Variants in CCDC175 observed in about 807,000 individuals in gnomAD.
CCDC175 encodes coiled-coil domain-containing protein 175.
A neutral mutation model predicts 114.6 loss-of-function variants in CCDC175; 100 were observed. That is an observed-to-expected ratio of 0.87 (90% CI 0.74 to 1.03). The LOEUF (loss-of-function observed/expected upper bound fraction) is 1.03, where lower values mean the gene tolerates loss of function less well. Ranked by LOEUF, CCDC175 falls within the 50% of genes least tolerant of loss-of-function variation. CCDC175 has a pLI of 0.00. For synonymous variants in CCDC175, 306 were observed against 308.7 expected (o/e 0.99, Z 0.09); for missense variants, 880 against 917.8 (o/e 0.96, Z 0.53).
In CCDC175 at chr14:59,538,249, C is replaced by A. The variant is rs752811731; in HGVS notation, c.1492-95G>T. On this transcript the variant is annotated intron_variant, in intron 12 of 19. Coordinates refer to ENST00000537690, the MANE Select transcript of CCDC175 (RefSeq NM_001164399.2). ...GAAATTAATATCTCTTTGCAGGAGG[C>A]CTGCTTCTGATTTCAGTTCATATAA... The A allele has an allele frequency of 3.7e-5, 39 of 1,042,612 alleles. No individual in the cohort carries two copies. In the Middle Eastern group the frequency reaches 2.3e-3, roughly 62 times the overall value. 64.6% of individuals were successfully genotyped at this position (1,042,612 alleles called of 1,614,324 possible). A position where few individuals can be genotyped will look rare whatever the true frequency, so the allele number is the denominator to read the frequency against.
chr14:59,575,702 G>A (rs1257423234), intron 1 of CCDC175, among the ~76,000 whole-genome samples: 1 of 152,064 alleles, frequency 6.6e-6, no homozygotes, highest in Non-Finnish European at 1.5e-5. Context: ...TAGAGACGGG[G>A]TTTCACCATG....
chr14:59,555,765 A>G (rs991562736), intron 7 of CCDC175, among the ~76,000 whole-genome samples: 1 of 152,246 alleles, frequency 6.6e-6, no homozygotes, highest in Non-Finnish European at 1.5e-5. Flanking sequence ...ACTTCAGCAA[A>G]GTCTCAGGAT....
At chr14:59,531,731 T>G (rs1010645718) in intron 14 of CCDC175, 41 bp downstream of exon 14, 4 of 1,382,880 alleles carry the variant, frequency 2.9e-6, no homozygotes, top group African/African-American at 2.9e-5. Flanking sequence ...GTGAAATCCT[T>G]ACCTGGGATT....
rs1281975516 is a variant in CCDC175 at position 59,537,671 on chromosome 14, C to A, written c.1623+352G>T. Among the ~76,000 whole-genome samples the A allele has an allele frequency of 2.0e-5, 3 of 152,248 alleles. No individual in the cohort carries two copies. In the East Asian group the frequency reaches 5.8e-4, roughly 29 times the overall value. On this transcript the variant is annotated intron_variant, in intron 13 of 19. Transcript: ENST00000537690. ...TGGCAGTTCTCAAGACAGCATGATACCCTCTTTTTAAAGAGCACATCTGAG... is the reference window on the plus strand; with the variant it reads ...TGGCAGTTCTCAAGACAGCATGATAACCTCTTTTTAAAGAGCACATCTGAG...
At chr14:59,536,560 T>TC (rs1350939292) in intron 13 of CCDC175, among the ~76,000 whole-genome samples, 1 of 151,376 alleles carries the variant, frequency 6.6e-6, no homozygotes, top group Admixed American at 6.6e-5. Context: ...CCGCCTCCTC[T>TC]CCCCCCTCAC....
In CCDC175 at chr14:59,508,409, C is replaced by CACACACACACAT. The variant is rs1555340463; in HGVS notation, c.2305+2236_2305+2237insATGTGTGTGTGT. Among the ~76,000 whole-genome samples the CACACACACACAT allele has an allele frequency of 1.9e-3, 280 of 144,006 alleles. 4 individuals are homozygous for CACACACACACAT. The highest frequency in any genetic ancestry group is 6.3e-3 in the African/African-American group (247 of 39,138). The allele number at this position is 144,006 out of a possible 152,430, so 94.5% of individuals were successfully genotyped here. ...ACCTCGTCTCCAAAATACACACACA[C>CACACACACACAT]ACACACACACACACACACACACACA... On this transcript the variant is annotated intron_variant, in intron 19 of 19. Coordinates refer to ENST00000537690, the MANE Select transcript of CCDC175 (RefSeq NM_001164399.2).
chr14:59,554,734 A>G (rs996226431), intron 7 of CCDC175, among the ~76,000 whole-genome samples: 14 of 152,124 alleles, frequency 9.2e-5, no homozygotes, highest in African/African-American at 3.1e-4. Flanking sequence ...CTAATAAAGA[A>G]GAAAAGAGAG....
chr14:59,563,659 G>C, intron 6 of CCDC175, 78 bp downstream of exon 6: 1 of 879,730 alleles, frequency 1.1e-6, no homozygotes, highest in Non-Finnish European at 1.5e-6. Context: ...ATGACATGAA[G>C]ATGAATTACA....
chr14:59,537,971 T>A (rs373261211), intron 13 of CCDC175, 52 bp downstream of exon 13: 32 of 1,274,574 alleles, frequency 2.5e-5, no homozygotes, highest in Middle Eastern at 2.4e-4. Context: ...TTATTCCCCC[T>A]CCCCCTCATG....
chr14:59,545,104 G>C, intron 9 of CCDC175, 59 bp downstream of exon 9: 1 of 1,458,430 alleles, frequency 6.9e-7, no homozygotes, highest in Non-Finnish European at 9.1e-7. Flanking sequence ...CACTTTGATA[G>C]CAAGAAAAGC....
intron 13 of CCDC175, among the ~76,000 whole-genome samples, chr14:59,534,809 A>C (rs1250480637): frequency 2.6e-5 from 4 of 152,186 alleles, no homozygotes; most frequent in African/African-American, 9.7e-5. Context: ...CCCTGTCGAC[A>C]ACACATCCCA....
At chr14:59,523,850 A>T (rs112541571) in intron 16 of CCDC175, among the ~76,000 whole-genome samples, 1 of 152,094 alleles carries the variant, frequency 6.6e-6, no homozygotes, top group African/African-American at 2.4e-5. Context: ...TTAGCCGGGC[A>T]TGGTGGCGGG....
intron 17 of CCDC175, among the ~76,000 whole-genome samples, chr14:59,517,758 T>C (rs1236014058): frequency 2.0e-5 from 3 of 152,130 alleles, no homozygotes; most frequent in Non-Finnish European, 4.4e-5. Flanking sequence ...AGGTAATTTA[T>C]AGATTCAATG....
At chr14:59,522,269 T>C (rs572680781) in intron 16 of CCDC175, among the ~76,000 whole-genome samples, 18 of 152,286 alleles carry the variant, frequency 1.2e-4, no homozygotes, top group African/African-American at 4.3e-4. Flanking sequence ...ACTGGTCCAG[T>C]TTCAAGAAAG....
intron 7 of CCDC175, among the ~76,000 whole-genome samples, chr14:59,553,053 T>A (rs1315953924): frequency 7.2e-5 from 11 of 152,098 alleles, no homozygotes; most frequent in African/African-American, 2.4e-5. Context: ...AGGGAATTAT[T>A]CAGGAGAACT....
intron 13 of CCDC175, among the ~76,000 whole-genome samples, chr14:59,532,494 G>A (rs551708804): frequency 6.6e-6 from 1 of 152,318 alleles, no homozygotes; most frequent in South Asian, 2.1e-4. Flanking sequence ...ACCACCAGCT[G>A]ACATTTAATG....
chr14:59,509,617 A>G (rs1892639959), intron 19 of CCDC175, among the ~76,000 whole-genome samples: 1 of 152,166 alleles, frequency 6.6e-6, no homozygotes, highest in African/African-American at 2.4e-5. Flanking sequence ...GGCTCAAGCA[A>G]TTCTCCCATC....
Position 59,565,256 on chromosome 14 carries a change from C to G in CCDC175, c.511G>C (p.Ala171Pro). 1 of 1,536,804 alleles carries G rather than the reference C, an allele frequency of 6.5e-7. No individual in the cohort carries two copies. Among genetic ancestry groups the G allele is most frequent in the Non-Finnish European group, 8.7e-7 (1 of 1,146,784 alleles). The change falls in exon 5 of 20, where the codon GCA becomes CCA. Residue 171 changes from alanine (A) to proline (P), a missense_variant. By Grantham distance (27) the Ala-to-Pro change is conservative. Transcript: ENST00000537690. ...EALGEKQEEL[A>P]RKHARFVLSL... ...AGGACAAACCTTGCATGCTTCCTTG[C>G]TAGCTCTTCCTGCTTCTCCCTGGGA...
rs189637181 is a variant in CCDC175 at position 59,536,279 on chromosome 14, C to T, written c.1623+1744G>A. On this transcript the variant is annotated intron_variant, in intron 13 of 19. Coordinates refer to ENST00000537690, the MANE Select transcript of CCDC175 (RefSeq NM_001164399.2). Reference sequence around the variant, plus strand: ...GCCCGGAGCCATCTCCTGCAGACATCTGCAGGGCACCCTGCCTTATATTCA... The same window carrying T: ...GCCCGGAGCCATCTCCTGCAGACATTTGCAGGGCACCCTGCCTTATATTCA... Among the ~76,000 whole-genome samples the T allele has an allele frequency of 3.9e-5, 6 of 152,164 alleles. No homozygotes were observed. In the East Asian group the frequency reaches 1.2e-3, roughly 30 times the overall value.
Sources: allele counts gnomAD v4.1 joint callset (sites outside exome capture counted in the v4.1 genomes callset), GRCh38; gene constraint gnomAD v4.1.1; transcripts MANE v1.5; gene names NCBI Gene and HGNC (gene_info 2026-07-23, HGNC 2026-07-21).